The following MAP2 variants were observed in gnomAD, a reference collection of about 807,000 sequenced individuals.
MAP2 encodes microtubule associated protein 2, also known as microtubule-associated protein 2.
A neutral mutation model predicts 137.6 loss-of-function variants in MAP2; 14 were observed. The observed-to-expected ratio is 0.10, with a 90% CI of 0.07 to 0.16. The LOEUF (loss-of-function observed/expected upper bound fraction) is 0.16, where lower values mean the gene tolerates loss of function less well. MAP2 is among the 10% of genes least tolerant of loss of function. The pLI is 1.00. For missense variants in MAP2, 2,088 were observed against 2,191.5 expected, an observed-to-expected ratio of 0.95 and a Z score of 0.94; for synonymous variants, 786 against 782.3, an observed-to-expected ratio of 1.00 and a Z score of -0.08.
chr2:209,705,880 TG>T (rs2063248553), intron 12 of MAP2, among the ~76,000 whole-genome samples, 153 bp downstream of exon 12: 1 of 152,172 alleles, frequency 6.6e-6, no homozygotes, highest in South Asian at 2.1e-4. Context: ...AGAATGTAGA[TG>T]GCTGCAAAAT....
At chr2:209,515,544 C>A (rs1365306622) in intron 2 of MAP2, among the ~76,000 whole-genome samples, 5 of 152,020 alleles carry the variant, frequency 3.3e-5, no homozygotes, top group Non-Finnish European at 7.4e-5. Flanking sequence ...CACTTTAAAA[C>A]CATCAGCTCT....
intron 3 of MAP2, among the ~76,000 whole-genome samples, chr2:209,593,217 A>G (rs902183262): frequency 3.3e-5 from 5 of 152,092 alleles, no homozygotes; most frequent in African/African-American, 1.2e-4. Flanking sequence ...AAATACTTGT[A>G]AGTTCTCTCT....
rs2094333503 is a variant in MAP2 at position 209,645,158 on chromosome 2, GA to G, written c.-29-7981del. 3.3e-5 allele frequency among the ~76,000 whole-genome samples: 5 copies of G among 152,154 alleles called. No individual in the cohort carries two copies. The South Asian group carries it at 1.0e-3, about 32-fold the overall frequency. ...ACTTGCTCTAAAAAACAAAATGCAG[GA>G]AACATCAGAGTGTATCAAATTATTT... On this transcript the variant is annotated intron_variant, in intron 4 of 15. Transcript: ENST00000682079.
intron 3 of MAP2, among the ~76,000 whole-genome samples, chr2:209,604,158 A>G (rs529588197): frequency 1.3e-5 from 2 of 151,824 alleles, no homozygotes; most frequent in Non-Finnish European, 2.9e-5. Context: ...AGCTTAGGGT[A>G]GGGCCCAAGA....
chr2:209,698,292 G>A lies in MAP2; in HGVS notation c.4522+1241G>A, dbSNP rs538321570. 4.6e-5 allele frequency among the ~76,000 whole-genome samples: 7 copies of A among 152,156 alleles called. No homozygotes were observed. In the South Asian group the frequency reaches 1.2e-3, roughly 27 times the overall value. On this transcript the variant is annotated intron_variant, in intron 10 of 15. Transcript: ENST00000682079. ...TGCCAACTTTTTTCTAAATTTCAGG[G>A]CAAAGTATTTATTTTATATGTTTAA...
chr2:209,680,851 G>A, intron 7 of MAP2, 24 bp downstream of exon 7: 3 of 1,600,406 alleles, frequency 1.9e-6, no homozygotes, highest in Non-Finnish European at 2.6e-6. Context: ...GACTTTTCAG[G>A]GTTTGTCTTC....
chr2:209,528,771 T>TCTGTACATATGTATGTATATATGTAC (rs2064527931), intron 2 of MAP2, among the ~76,000 whole-genome samples: 4 of 148,778 alleles, frequency 2.7e-5, no homozygotes, highest in Non-Finnish European at 3.0e-5. Context: ...TATATATGTA[T>TCTGTACATATGTATGTATATATGTAC]ATGTACATAT....
intron 1 of MAP2, among the ~76,000 whole-genome samples, chr2:209,452,901 A>C (rs1047568782): frequency 6.6e-6 from 1 of 152,132 alleles, no homozygotes; most frequent in Non-Finnish European, 1.5e-5. Context: ...CTATAACACT[A>C]TTGATCTTTT....
At chr2:209,533,999 C>A (rs769608006) in intron 2 of MAP2, among the ~76,000 whole-genome samples, 1 of 152,170 alleles carries the variant, frequency 6.6e-6, no homozygotes, top group Non-Finnish European at 1.5e-5. Context: ...ACTAGGGCAT[C>A]CCAAGAGACC....
chr2:209,471,115 C>T (rs2149711403), intron 1 of MAP2, among the ~76,000 whole-genome samples: 1 of 152,288 alleles, frequency 6.6e-6, no homozygotes, highest in South Asian at 2.1e-4. Context: ...CTCACTTCTA[C>T]CATTCTCCAC....
intron 5 of MAP2, among the ~76,000 whole-genome samples, chr2:209,661,920 GA>G (rs542123620): frequency 2.0e-5 from 3 of 151,990 alleles, no homozygotes; most frequent in Non-Finnish European, 2.9e-5. Context: ...CAAATTAGAG[GA>G]AAAAAACCAA....
intron 2 of MAP2, among the ~76,000 whole-genome samples, chr2:209,562,402 A>C (rs2072339933): frequency 6.6e-6 from 1 of 152,068 alleles, no homozygotes; most frequent in Non-Finnish European, 1.5e-5. Flanking sequence ...GCTTGAAAAA[A>C]AAAGCTAATG....
chr2:209,678,812 C>T (rs1328806055), intron 6 of MAP2, 127 bp downstream of exon 6: 1 of 480,364 alleles, frequency 2.1e-6, no homozygotes, highest in Non-Finnish European at 3.7e-6. Flanking sequence ...CATCAGACAC[C>T]TTGACTGGGT....
At chr2:209,424,427 G>T (rs568754079) in intron 1 of MAP2, among the ~76,000 whole-genome samples, 151 bp downstream of exon 1, 9 of 152,308 alleles carry the variant, frequency 5.9e-5, no homozygotes, top group Admixed American at 2.6e-4. Flanking sequence ...GTGGCCAGCC[G>T]TGCACCTGGC....
intron 3 of MAP2, among the ~76,000 whole-genome samples, chr2:209,600,068 A>G (rs1019147601): frequency 3.3e-5 from 5 of 152,214 alleles, no homozygotes; most frequent in Admixed American, 2.0e-4. Flanking sequence ...GACAAAGCCT[A>G]TCATTAAACA....
chr2:209,694,017 G>C lies in MAP2; in HGVS notation c.1847G>C (p.Gly616Ala). The change falls in exon 8 of 16, where the codon GGT becomes GCT. Residue 616 changes from glycine (G) to alanine (A), a missense_variant. Physicochemically the swap from Gly to Ala is moderately conservative, Grantham distance 60. Around this residue, in one of 6 missense-constraint regions of MAP2, gnomAD observed 859 missense variants for 794.5 expected, o/e 1.08. Transcript: ENST00000682079. ...IDTMSPMHKN[G>A]DKEFQTGKES... ...ACCATGTCTCCCATGCATAAAAATG[G>C]TGACAAGGAGTTTCAAACAGGAAAA... 5 of 1,613,928 alleles carry C rather than the reference G, an allele frequency of 3.1e-6. No individual in the cohort carries two copies. The highest frequency in any genetic ancestry group is 4.2e-6 in the Non-Finnish European group (5 of 1,179,958).
intron 3 of MAP2, among the ~76,000 whole-genome samples, chr2:209,586,160 A>C (rs1389756683): frequency 1.3e-5 from 2 of 152,170 alleles, no homozygotes; most frequent in Non-Finnish European, 2.9e-5. Context: ...AAAGAGAGAT[A>C]AAATATGAAA....
intron 5 of MAP2, among the ~76,000 whole-genome samples, chr2:209,658,617 T>A (rs2041996719): frequency 6.6e-6 from 1 of 151,920 alleles, no homozygotes; most frequent in South Asian, 2.1e-4. Context: ...AGCGATTCTC[T>A]TGCCTCAGCC....
chr2:209,653,276 G>A lies in MAP2; in HGVS notation c.106G>A (p.Gly36Arg), dbSNP rs749722277. 3.3e-5 allele frequency: 54 copies of A among 1,614,012 alleles called. No individual in the cohort carries two copies. The highest frequency in any genetic ancestry group is 4.3e-5 in the Non-Finnish European group (51 of 1,180,012). ...TCCACCTGAGATTAAGGATCAAGGC[G>A]GAGCAGGGGAAGGACTTGTCCGAAG... ...SHPPEIKDQGGAGEGLVRSAN... is the reference protein window; with the variant it reads ...SHPPEIKDQGRAGEGLVRSAN... The change falls in exon 5 of 16, where the codon GGA becomes AGA. Residue 36 changes from glycine to arginine, a missense_variant. Gly to Arg is a moderately radical substitution (Grantham distance 125, BLOSUM62 -2). Around this residue, in one of 6 missense-constraint regions of MAP2, gnomAD observed 859 missense variants for 794.5 expected, o/e 1.08. Coordinates refer to ENST00000682079, the MANE Select transcript of MAP2 (RefSeq NM_001375505.1).
Sources: allele counts gnomAD v4.1 joint callset (sites outside exome capture counted in the v4.1 genomes callset), GRCh38; gene constraint gnomAD v4.1.1; regional missense constraint gnomAD v4.1.1; transcripts MANE v1.5; gene names NCBI Gene and HGNC (gene_info 2026-07-23, HGNC 2026-07-21).